RGS8: variants seen among roughly 807,000 people sequenced by gnomAD.
RGS8 encodes the protein regulator of G-protein signaling 8.
Under a neutral mutation model 21.7 loss-of-function variants are expected in RGS8, and 8 were observed. The observed-to-expected ratio is 0.37, with a 90% CI of 0.22 to 0.66. RGS8 has a LOEUF of 0.66. RGS8 is among the 30% of genes least tolerant of loss of function. The pLI is 0.59. For synonymous variants in RGS8, 80 were observed against 83.6 expected (o/e 0.96, Z 0.24); for missense variants, 157 against 217.9 (o/e 0.72, Z 1.76).
At chr1:182,700,278 A>C in the RGS8 span, among the ~76,000 whole-genome samples, 1 of 152,180 alleles carries the variant, frequency 6.6e-6, no homozygotes, top group Non-Finnish European at 1.5e-5. Context: ...CAGCAGCTGA[A>C]GCCATTTGCC....
At chr1:182,702,548 C>CT in the RGS8 span, among the ~76,000 whole-genome samples, 1 of 152,094 alleles carries the variant, frequency 6.6e-6, no homozygotes. Context: ...GAAATTATAA[C>CT]TTTTTTAAAA....
the RGS8 span, among the ~76,000 whole-genome samples, chr1:182,694,834 A>G: frequency 2.6e-5 from 4 of 152,020 alleles, no homozygotes; most frequent in Admixed American, 1.3e-4. Flanking sequence ...GTTATCTACT[A>G]TTGCCATCAC....
intron 5 of RGS8, among the ~76,000 whole-genome samples, chr1:182,656,066 G>A (rs750526457): frequency 7.9e-5 from 12 of 152,182 alleles, no homozygotes; most frequent in Admixed American, 3.3e-4. Flanking sequence ...GGCAAGCCAC[G>A]GAAAAGTGCC....
At chr1:182,721,040 CAT>C in the RGS8 span, among the ~76,000 whole-genome samples, 487 of 72,856 alleles carry the variant, frequency 6.7e-3, 43 homozygotes, top group African/African-American at 0.026. Flanking sequence ...TGTATATATA[CAT>C]ATACATACAT....
At chr1:182,694,386 C>G in the RGS8 span, among the ~76,000 whole-genome samples, 1 of 152,176 alleles carries the variant, frequency 6.6e-6, no homozygotes, top group East Asian at 1.9e-4. Context: ...TTCACAGTGT[C>G]CACTGTGGCC....
In RGS8 at chr1:182,681,776, G is replaced by A. The variant is rs116473127; in HGVS notation, n.221+2580C>T. Among the ~76,000 whole-genome samples, 301 of 152,366 alleles carry A rather than the reference G, an allele frequency of 2.0e-3. 1 individual carries two copies. Among genetic ancestry groups the A allele is most frequent in the African/African-American group, 6.6e-3 (276 of 41,584 alleles). On this transcript the variant is annotated intron_variant and non_coding_transcript_variant, in intron 1 of 4. Coordinates refer to the RGS8 transcript ENST00000515211. ...GCTGTGTGGGTGCACTCCGATGCAC[G>A]GAGATGCTGAGCAAATTCCCCCTGA...
the RGS8 span, chr1:182,734,929 G>A: frequency 4.6e-4 from 70 of 152,224 alleles, no homozygotes; most frequent in Admixed American, 7.9e-4. Flanking sequence ...AAAGAGACAG[G>A]TGAAATTAAT....
upstream of RGS8, chr1:182,672,918 C>T: frequency 7.0e-7 from 1 of 1,432,890 alleles, no homozygotes; most frequent in Non-Finnish European, 9.8e-7. Context: ...CCTGAACCAG[C>T]AGTGTCAGCA....
chr1:182,733,016 T>G, the RGS8 span, among the ~76,000 whole-genome samples: 2 of 152,226 alleles, frequency 1.3e-5, no homozygotes, highest in African/African-American at 4.8e-5. Context: ...TTGTTCCTAA[T>G]GTAAGGAACA....
At chr1:182,709,831 G>C in the RGS8 span, among the ~76,000 whole-genome samples, 2 of 152,016 alleles carry the variant, frequency 1.3e-5, no homozygotes, top group African/African-American at 2.4e-5. Context: ...TGTAAAATGG[G>C]GATAATAAAA....
At chr1:182,750,071 G>A in the RGS8 span, among the ~76,000 whole-genome samples, 1 of 152,164 alleles carries the variant, frequency 6.6e-6, no homozygotes, top group Non-Finnish European at 1.5e-5. Flanking sequence ...CAAGCACATA[G>A]GTGCTCATTA....
downstream of RGS8, chr1:182,644,687 G>A (rs1662626916): frequency 6.6e-6 from 1 of 152,208 alleles, no homozygotes; most frequent in African/African-American, 2.4e-5. Context: ...TAATTTATAT[G>A]CACCTCATAT....
Position 182,666,988 on chromosome 1 carries a change from G to T in RGS8, c.27-15C>A. The stretch of plus-strand genomic sequence containing the variant: ...TCCCTTTGTTCCTGCAACAAGCACA[G>T]GGGCAGAAGGACGGGGAAACTCTCA... On this transcript the variant is annotated splice_polypyrimidine_tract_variant and intron_variant, in intron 3 of 6. Transcript: ENST00000483095. 1 of 1,595,896 alleles carries T rather than the reference G, an allele frequency of 6.3e-7. No homozygotes were observed. Among genetic ancestry groups the T allele is most frequent in the Non-Finnish European group, 8.6e-7 (1 of 1,163,504 alleles).
upstream of RGS8, among the ~76,000 whole-genome samples, chr1:182,674,267 A>G (rs1664285860): frequency 1.3e-5 from 2 of 152,230 alleles, no homozygotes; most frequent in African/African-American, 4.8e-5. Context: ...AAGCTAATCA[A>G]TATTAACCAG....
At chr1:182,650,139 T>C (rs1269867388) in intron 5 of RGS8, among the ~76,000 whole-genome samples, 4 of 149,608 alleles carry the variant, frequency 2.7e-5, no homozygotes, top group Non-Finnish European at 5.9e-5. Context: ...CTTGATCTCT[T>C]GACCTTGTGA....
chr1:182,680,948 T>G (rs951448260), intron 1 of RGS8, among the ~76,000 whole-genome samples: 7 of 152,216 alleles, frequency 4.6e-5, no homozygotes, highest in Non-Finnish European at 7.3e-5. Context: ...ACTCTGCCCC[T>G]TTATGGCAGG....
the RGS8 span, among the ~76,000 whole-genome samples, chr1:182,736,363 G>T: frequency 6.6e-6 from 1 of 152,164 alleles, no homozygotes; most frequent in African/African-American, 2.4e-5. Context: ...TTCTTGAGTG[G>T]GGAATAGTGT....
the RGS8 span, among the ~76,000 whole-genome samples, chr1:182,718,340 G>A: frequency 6.6e-6 from 1 of 152,226 alleles, no homozygotes; most frequent in Non-Finnish European, 1.5e-5. Flanking sequence ...AGCAGTTGGA[G>A]CAGTAGACAA....
At chr1:182,677,327 T>A (rs1664398311), upstream of RGS8, among the ~76,000 whole-genome samples, 1 of 152,236 alleles carries the variant, frequency 6.6e-6, no homozygotes. Flanking sequence ...TCACAATTCT[T>A]GACAAACGGC....
Sources: allele counts gnomAD v4.1 joint callset (sites outside exome capture counted in the v4.1 genomes callset), GRCh38; gene constraint gnomAD v4.1.1; transcripts MANE v1.5; gene names NCBI Gene and HGNC (gene_info 2026-07-23, HGNC 2026-07-21).